SEMA4D: variants seen among roughly 807,000 people sequenced by gnomAD.
The protein encoded by SEMA4D is semaphorin-4D.
SEMA4D carries 22 observed loss-of-function variants against 74.8 expected under a neutral mutation model. The ratio of observed to expected loss-of-function variants is 0.29; its 90% CI spans 0.21 to 0.42. The LOEUF is 0.42. Among genes scored for constraint, SEMA4D ranks in the 10% least tolerant of loss-of-function variants. The pLI is 1.00. For missense variants in SEMA4D, 937 were observed against 1,118.4 expected, an observed-to-expected ratio of 0.84 and a Z score of 2.31; for synonymous variants, 445 against 463.7, an observed-to-expected ratio of 0.96 and a Z score of 0.52.
At chr9:89,423,353 G>A (rs1211658861) in intron 2 of SEMA4D, among the ~76,000 whole-genome samples, 2 of 151,922 alleles carry the variant, frequency 1.3e-5, no homozygotes, top group East Asian at 1.9e-4. Flanking sequence ...CACCATGCCT[G>A]GCTAATTTTG....
intron 1 of SEMA4D, among the ~76,000 whole-genome samples, chr9:89,488,652 C>T (rs894246892): frequency 5.9e-5 from 9 of 152,082 alleles, no homozygotes; most frequent in African/African-American, 2.2e-4. Context: ...GGATTACAGG[C>T]GTGAGCCACC....
intron 16 of SEMA4D, among the ~76,000 whole-genome samples, chr9:89,369,944 G>A (rs1834283976): frequency 1.3e-5 from 2 of 151,728 alleles, no homozygotes; most frequent in African/African-American, 2.4e-5. Context: ...TGTCTATGTG[G>A]TGTGTATGTG....
intron 2 of SEMA4D, among the ~76,000 whole-genome samples, chr9:89,447,019 T>C (rs1319111280): frequency 6.6e-6 from 1 of 152,072 alleles, no homozygotes; most frequent in Non-Finnish European, 1.5e-5. Context: ...TGTGGATCTG[T>C]CCATCTCATC....
intron 2 of SEMA4D, chr9:89,418,303 G>C (rs1846142262): frequency 1.2e-6 from 1 of 864,222 alleles, no homozygotes; most frequent in Non-Finnish European, 1.4e-6. Context: ...GCAGACAGGA[G>C]GGAGGAGCTG....
At chr9:89,382,675 G>A (rs1391157667) in intron 13 of SEMA4D, among the ~76,000 whole-genome samples, 1 of 152,222 alleles carries the variant, frequency 6.6e-6, no homozygotes, top group Non-Finnish European at 1.5e-5. Context: ...ATCACAGTTC[G>A]GGCATCGCGC....
At chr9:89,370,386 T>C in intron 16 of SEMA4D, among the ~76,000 whole-genome samples, 1 of 150,912 alleles carries the variant, frequency 6.6e-6, no homozygotes. Context: ...GTGTATCTGA[T>C]ATATGCGTGG....
Position 89,438,005 on chromosome 9 carries a change from G to A in SEMA4D, c.-244+17883C>T, listed in dbSNP as rs1429206394. 4.6e-5 allele frequency among the ~76,000 whole-genome samples: 7 copies of A among 152,198 alleles called. No individual in the cohort carries two copies. The East Asian group carries it at 1.3e-3, about 29-fold the overall frequency. On this transcript the variant is annotated intron_variant, in intron 2 of 15. Coordinates refer to ENST00000422704, the MANE Select transcript of SEMA4D (RefSeq NM_001371194.2). The stretch of plus-strand genomic sequence containing the variant: ...CTGGAAGATTTCTAATAACCTACAG[G>A]GGTAGGGATAGAAGGGCAGGGCCAT...
At chr9:89,413,810 GTGTGCACAGCTATA>G (rs1236870184) in intron 2 of SEMA4D, among the ~76,000 whole-genome samples, 1 of 152,244 alleles carries the variant, frequency 6.6e-6, no homozygotes, top group African/African-American at 2.4e-5. Context: ...ATACATGTAT[GTGTGCACAGCTATA>G]TGTGCACATA....
At chr9:89,496,672 A>G (rs1341150077) in intron 1 of SEMA4D, among the ~76,000 whole-genome samples, 2 of 152,222 alleles carry the variant, frequency 1.3e-5, no homozygotes, top group Non-Finnish European at 2.9e-5. Flanking sequence ...AATGACAATC[A>G]GGGCATTATC....
At position 89,378,559 on chromosome 9, in the gene SEMA4D, A is replaced by G. The variant is rs1836238384; in HGVS notation, c.*145T>C. On this transcript the variant is annotated 3_prime_UTR_variant, in exon 16 of 16. Coordinates refer to ENST00000422704, the MANE Select transcript of SEMA4D (RefSeq NM_001371194.2). The stretch of plus-strand genomic sequence containing the variant: ...TCACAGGCTCAACCCAAGAGAAAAT[A>G]GACAAGAGGACTGAGGTTGTCTGCA... The G allele has an allele frequency of 1.6e-6, 1 of 620,408 alleles. No homozygotes were observed. Among genetic ancestry groups the G allele is most frequent in the African/African-American group, 1.8e-5 (1 of 54,374 alleles). 38.4% of individuals were successfully genotyped at this position (620,408 alleles called of 1,614,324 possible).
In SEMA4D at chr9:89,484,074, C is replaced by T. The variant is rs1191729978; in HGVS notation, c.-310+13845G>A. ...AAGAGGGCGGGCCCCACTGAGGCTG[C>T]GCACAAGCTGGCAGGCACAGAAGGG... On this transcript the variant is annotated intron_variant, in intron 1 of 15. Transcript: ENST00000422704. The surrounding 1 kb of genome is among the most constrained non-coding windows in gnomAD (Gnocchi z 4.1). Among the ~76,000 whole-genome samples the T allele has an allele frequency of 3.9e-5, 6 of 152,378 alleles. No individual in the cohort carries two copies. In the East Asian group the frequency reaches 5.8e-4, roughly 15 times the overall value.
chr9:89,477,278 TCA>T (rs34642998), intron 1 of SEMA4D, among the ~76,000 whole-genome samples: 1 of 150,804 alleles, frequency 6.6e-6, no homozygotes, highest in Non-Finnish European at 1.5e-5. Flanking sequence ...ACACAAATGC[TCA>T]CACACATTCA....
At position 89,378,522 on chromosome 9, in the gene SEMA4D, A is replaced by G. The variant is rs1359518112; in HGVS notation, c.*182T>C. On this transcript the variant is annotated 3_prime_UTR_variant, in exon 16 of 16. Coordinates refer to ENST00000422704, the MANE Select transcript of SEMA4D (RefSeq NM_001371194.2). ...GCTTGTCATTTTTCCAAAAGGACAA[A>G]GAGAAACCAAGTCACAGGCTCAACC... The G allele has an allele frequency of 1.2e-5, 7 of 589,762 alleles. No individual in the cohort carries two copies. Among genetic ancestry groups the G allele is most frequent in the Non-Finnish European group, 9.0e-6 (3 of 332,764 alleles). 36.5% of individuals were successfully genotyped at this position (589,762 alleles called of 1,614,324 possible).
At chr9:89,471,655 T>G (rs1860310098) in intron 1 of SEMA4D, among the ~76,000 whole-genome samples, 1 of 151,720 alleles carries the variant, frequency 6.6e-6, no homozygotes, top group Non-Finnish European at 1.5e-5. Flanking sequence ...CCAGCTCAGG[T>G]GCACACCAAC....
At chr9:89,376,349 G>C (rs889075066), downstream of SEMA4D, 3 of 152,330 alleles carry the variant, frequency 2.0e-5, no homozygotes, top group African/African-American at 7.2e-5. Flanking sequence ...CTTGGTGACA[G>C]AGGGAGACCC....
chr9:89,493,357 A>G (rs1433080898), intron 1 of SEMA4D, among the ~76,000 whole-genome samples: 4 of 152,200 alleles, frequency 2.6e-5, no homozygotes, highest in African/African-American at 7.2e-5. Context: ...AACAATGAAC[A>G]TGTGCCAAGA....
intron 1 of SEMA4D, among the ~76,000 whole-genome samples, chr9:89,456,375 CAAG>C (rs1211134565): frequency 1.3e-5 from 2 of 152,302 alleles, no homozygotes; most frequent in South Asian, 2.1e-4. Context: ...AAGGTGTAGT[CAAG>C]AAGGACACTG....
chr9:89,448,730 T>A (rs1024483307), intron 2 of SEMA4D, among the ~76,000 whole-genome samples: 2 of 152,190 alleles, frequency 1.3e-5, no homozygotes, highest in Admixed American at 1.3e-4. Context: ...ATTGCCCACA[T>A]GTTCACTCTC....
At chr9:89,463,631 T>C (rs1451412237) in intron 1 of SEMA4D, among the ~76,000 whole-genome samples, 1 of 152,188 alleles carries the variant, frequency 6.6e-6, no homozygotes, top group Non-Finnish European at 1.5e-5. Flanking sequence ...GTCTCTATGT[T>C]GTGTTTAAAG....
Sources: allele counts gnomAD v4.1 joint callset (sites outside exome capture counted in the v4.1 genomes callset), GRCh38; gene constraint gnomAD v4.1.1; non-coding constraint Gnocchi (gnomAD v3.1); transcripts MANE v1.5; gene names NCBI Gene and HGNC (gene_info 2026-07-23, HGNC 2026-07-21).